COL1A2: variants seen among roughly 807,000 people sequenced by gnomAD.
COL1A2 encodes the protein collagen alpha-2(I) chain.
Under a neutral mutation model 174.3 loss-of-function variants are expected in COL1A2, and 49 were observed. The observed-to-expected ratio is 0.28, with a 90% CI of 0.22 to 0.36. The LOEUF is 0.36. Ranked by LOEUF, COL1A2 falls within the 10% of genes least tolerant of loss-of-function variation. COL1A2 has a pLI of 1.00. For synonymous variants in COL1A2, 655 were observed against 606.6 expected (o/e 1.08, Z -1.17); for missense variants, 1,438 against 1,822.7 (o/e 0.79, Z 3.84).
chr7:94,409,216 A>G, intron 16 of COL1A2, 106 bp from the exon 17 acceptor site: 2 of 1,041,078 alleles, frequency 1.9e-6, no homozygotes, highest in East Asian at 4.7e-5. Context: ...AAATAATTGC[A>G]ATTTTGAAGT....
Position 94,411,090 on chromosome 7 carries a change from C to A in COL1A2, c.1286C>A (p.Ala429Asp). 6.2e-7 allele frequency: 1 copy of A among 1,602,960 alleles called. No individual in the cohort carries two copies. The highest frequency in any genetic ancestry group is 1.7e-5 in the Admixed American group (1 of 58,730). Residue 429 changes from alanine to aspartate, a missense_variant, in exon 23 of 52, where the codon GCT becomes GAT. Physicochemically the swap from Ala to Asp is moderately radical, Grantham distance 126 (BLOSUM62 -2). This residue lies in a region of COL1A2 where 867 missense variants were observed against 1,213.7 expected (regional missense o/e 0.71). Transcript: ENST00000297268. ...PPGSRGASGP[A>D]GVRGPNGDAG... is the part of the protein sequence containing the mutation. ...GGTAGTCGTGGTGCAAGTGGCCCTGCTGGAGTCCGAGGACCTAATGGAGAT... is the reference window on the plus strand; with the variant it reads ...GGTAGTCGTGGTGCAAGTGGCCCTGATGGAGTCCGAGGACCTAATGGAGAT...
At chr7:94,425,447 TA>T in intron 42 of COL1A2, 162 bp from the exon 43 acceptor site, 2 of 876,502 alleles carry the variant, frequency 2.3e-6, no homozygotes, top group Non-Finnish European at 1.8e-6. Flanking sequence ...AAAACATCTC[TA>T]AAAAATATCT....
Position 94,404,746 on chromosome 7 carries a change from T to A in COL1A2, c.378T>A (p.Thr126=). The A allele has an allele frequency of 6.2e-7, 1 of 1,614,188 alleles. No homozygotes were observed. Residue 126 remains threonine, a splice_region_variant and synonymous_variant, in exon 8 of 52, where the codon ACT becomes ACA. Coordinates refer to ENST00000297268, the MANE Select transcript of COL1A2 (RefSeq NM_000089.4). ...PAGEPGEPGQ[T]GPAGARGPAG... ...GTGAGCCTGGTGAACCTGGTCAAAC[T>A]GTGAGTACATTTTTCCACCTTTGTG...
chr7:94,424,627 C>T (rs1792236700), intron 41 of COL1A2, 184 bp downstream of exon 41: 2 of 599,004 alleles, frequency 3.3e-6, no homozygotes, highest in Admixed American at 2.9e-5. Flanking sequence ...TAGACACACA[C>T]TATAAAGACA....
At position 94,397,735 on chromosome 7, in the gene COL1A2, T is replaced by G. The variant is rs768053005; in HGVS notation, c.71-13T>G. ...AATAATTGTTTCCTACTTTTTCTTT[T>G]TTTTTTCTACAGCTTTACAAGAGGT... On this transcript the variant is annotated splice_polypyrimidine_tract_variant and intron_variant, in intron 1 of 51. Coordinates refer to ENST00000297268, the MANE Select transcript of COL1A2 (RefSeq NM_000089.4). 3.1e-6 allele frequency: 4 copies of G among 1,279,834 alleles called. No individual in the cohort carries two copies. In the Admixed American group the frequency reaches 7.0e-5, roughly 23 times the overall value. 79.3% of individuals were successfully genotyped at this position (1,279,834 alleles called of 1,614,324 possible).
At chr7:94,408,501 C>CT in intron 15 of COL1A2, 121 bp downstream of exon 15, 1 of 1,245,940 alleles carries the variant, frequency 8.0e-7, no homozygotes, top group South Asian at 1.2e-5. Flanking sequence ...TCTGTGAGGT[C>CT]TTTTGAAGGC....
rs1584322066 is a variant in COL1A2, at chr7:94,413,218, AT to A, written c.1557+86del. On this transcript the variant is annotated intron_variant, in intron 26 of 51. Transcript: ENST00000297268. ...TTTTTTTTTTACACCATCTGATATC[AT>A]TTTGTCACTTTCTTTTCAAGATGGC... 12 of 1,357,848 alleles carry A rather than the reference AT, an allele frequency of 8.8e-6. No individual in the cohort carries two copies. The East Asian group carries it at 2.8e-4, about 31-fold the overall frequency. 84.1% of individuals were successfully genotyped at this position (1,357,848 alleles called of 1,614,324 possible).
chr7:94,429,108 C>CTTTTT, intron 50 of COL1A2, 80 bp from the exon 51 acceptor site: 1 of 815,862 alleles, frequency 1.2e-6, no homozygotes, highest in Non-Finnish European at 1.8e-6. Flanking sequence ...CTTTTTTTTT[C>CTTTTT]TTTTTTTTTT....
intron 13 of COL1A2, 54 bp from the exon 14 acceptor site, chr7:94,408,129 T>C: frequency 6.3e-7 from 1 of 1,582,934 alleles, no homozygotes; most frequent in East Asian, 2.2e-5. Context: ...ATGATGCCTG[T>C]GACTTTTTTT....
chr7:94,420,660 T>G lies in COL1A2; in HGVS notation c.2295+12T>G. On this transcript the variant is annotated intron_variant, in intron 37 of 51. Transcript: ENST00000297268. ...CTGCTGGCCCAGCTGTAAGTTGAAT[T>G]CACTGGTGGTCCACACAGCAGCTAC... 1 of 1,575,830 alleles carries G rather than the reference T, an allele frequency of 6.3e-7. No homozygotes were observed. The highest frequency in any genetic ancestry group is 8.6e-7 in the Non-Finnish European group (1 of 1,159,656).
chr7:94,416,949 T>C (rs1438471384), intron 31 of COL1A2: 1 of 161,472 alleles, frequency 6.2e-6, no homozygotes, highest in African/African-American at 2.4e-5. Context: ...CCCCCAAAAA[T>C]TTGTCTGGAA....
At chr7:94,402,642 C>A (rs1718086370) in intron 6 of COL1A2, among the ~76,000 whole-genome samples, 1 of 152,080 alleles carries the variant, frequency 6.6e-6, no homozygotes. Context: ...GAGGGGAAAA[C>A]TGCCAGAAGT....
chr7:94,406,106 C>T (rs187549292), intron 11 of COL1A2, 144 bp from the exon 12 acceptor site: 2 of 817,908 alleles, frequency 2.4e-6, no homozygotes, highest in East Asian at 2.7e-5. Context: ...ACTGAGTTTG[C>T]TGGGACCTGG....
Position 94,408,791 on chromosome 7 carries a change from C to T in COL1A2, c.760C>T (p.Pro254Ser), listed in dbSNP as rs1373578009. The T allele has an allele frequency of 6.2e-7, 1 of 1,613,112 alleles. No homozygotes were observed. The stretch of plus-strand genomic sequence containing the variant: ...TCAGGGTCCCATTGGGTCTGCTGGC[C>T]CTCCAGGCTTCCCAGGTGCCCCTGG... ...GPAGPIGSAGPPGFPGAPGPK... is the reference protein window; with the variant it reads ...GPAGPIGSAGSPGFPGAPGPK... Residue 254 changes from proline (P) to serine (S), a missense_variant, in exon 16 of 52, where the codon CCT becomes TCT. Physicochemically the swap from Pro to Ser is moderately conservative, Grantham distance 74. Coordinates refer to ENST00000297268, the MANE Select transcript of COL1A2 (RefSeq NM_000089.4).
In COL1A2 at chr7:94,421,913, C is replaced by A. The variant is rs1792171721; in HGVS notation, c.2364C>A (p.Phe788Leu). 1 of 1,613,982 alleles carries A rather than the reference C, an allele frequency of 6.2e-7. No homozygotes were observed. The highest frequency in any genetic ancestry group is 1.7e-5 in the Admixed American group (1 of 60,000). ...TTGGCTCTTAGGGTATGACTGGTTTCCCTGGTGCTGCTGGACGGACTGGTC... is the reference window on the plus strand; with the variant it reads ...TTGGCTCTTAGGGTATGACTGGTTTACCTGGTGCTGCTGGACGGACTGGTC... ...GDGGPPGMTG[F>L]PGAAGRTGPP... The change falls in exon 39 of 52, where the codon TTC becomes TTA. Residue 788 changes from phenylalanine to leucine, a missense_variant. Physicochemically the swap from Phe to Leu is conservative, Grantham distance 22. Around this residue, in one of 3 missense-constraint regions of COL1A2, gnomAD observed 867 missense variants for 1,213.7 expected, o/e 0.71. Coordinates refer to ENST00000297268, the MANE Select transcript of COL1A2 (RefSeq NM_000089.4).
In COL1A2 at chr7:94,413,100, C is replaced by T. The variant is rs747938841; in HGVS notation, c.1521C>T (p.Asn507=). ...TACTCTAGGGTGATCCTGGCAAAAA[C>T]GGTGATAAAGGTCATGCTGGTCTTG... ...PKGPTGDPGK[N]GDKGHAGLAG... Residue 507 remains asparagine, a synonymous_variant, in exon 26 of 52, where the codon AAC becomes AAT. Transcript: ENST00000297268. The T allele has an allele frequency of 3.1e-5, 50 of 1,614,014 alleles. 1 individual carries two copies. In the Middle Eastern group the frequency reaches 4.9e-4, roughly 16 times the overall value.
rs1301452642 is a variant in COL1A2, at chr7:94,429,283, C to A, written c.3807C>A (p.Thr1269=). ...CCAACTATGCCTCTCAGAACATCACCTACCACTGCAAGAACAGCATTGCAT... is the reference window on the plus strand; with the variant it reads ...CCAACTATGCCTCTCAGAACATCACATACCACTGCAAGAACAGCATTGCAT... ...LLANYASQNI[T]YHCKNSIAYM... is the part of the protein sequence containing the mutation. The change falls in exon 51 of 52, where the codon ACC becomes ACA. Residue 1269 remains threonine, a synonymous_variant. Transcript: ENST00000297268. 12 of 1,614,096 alleles carry A rather than the reference C, an allele frequency of 7.4e-6. No individual in the cohort carries two copies. Among genetic ancestry groups the A allele is most frequent in the Non-Finnish European group, 1.0e-5 (12 of 1,180,006 alleles).
In COL1A2 at chr7:94,427,010, T is replaced by C. The variant is rs768992682; in HGVS notation, c.3108T>C (p.Gly1036=). 3.2e-5 allele frequency: 51 copies of C among 1,613,430 alleles called. No individual in the cohort carries two copies. Among genetic ancestry groups the C allele is most frequent in the Non-Finnish European group, 4.1e-5 (48 of 1,179,718 alleles). Reference sequence around the variant, plus strand: ...ATTTTCCTCTTCTGTCTTTAAAGGGTCACCATGGTGATCAAGGTGCTCCTG... The same window carrying C: ...ATTTTCCTCTTCTGTCTTTAAAGGGCCACCATGGTGATCAAGGTGCTCCTG... ...NGLQGLPGIA[G]HHGDQGAPGS... The change falls in exon 47 of 52, where the codon GGT becomes GGC. Residue 1036 remains glycine, a splice_region_variant and synonymous_variant. Coordinates refer to ENST00000297268, the MANE Select transcript of COL1A2 (RefSeq NM_000089.4).
At position 94,411,142 on chromosome 7, in the gene COL1A2, C is replaced by T. The variant is rs1213032761; in HGVS notation, c.1338C>T (p.Leu446=). ...GDAGRPGEPG[L]MGPRGLPGSP... is the part of the protein sequence containing the mutation. Reference sequence around the variant, plus strand: ...CTGGTCGCCCTGGGGAGCCTGGTCTCATGGGACCCAGAGTAAGTTTCAAAC... The same window carrying T: ...CTGGTCGCCCTGGGGAGCCTGGTCTTATGGGACCCAGAGTAAGTTTCAAAC... Residue 446 remains leucine (L), a synonymous_variant, in exon 23 of 52, where the codon CTC becomes CTT. Transcript: ENST00000297268. 8 of 1,583,888 alleles carry T rather than the reference C, an allele frequency of 5.1e-6. No individual in the cohort carries two copies. Among genetic ancestry groups the T allele is most frequent in the Non-Finnish European group, 6.0e-6 (7 of 1,164,138 alleles).
Sources: gnomAD v4.1 joint callset for allele counts (sites outside exome capture counted in the v4.1 genomes callset) on GRCh38, gnomAD v4.1.1 for gene constraint, gnomAD v4.1.1 regional missense constraint, MANE v1.5 for transcripts, NCBI Gene and HGNC (gene_info 2026-07-23, HGNC 2026-07-21) for gene names.